ADAM23: variants seen among roughly 807,000 people sequenced by gnomAD.
ADAM23 encodes disintegrin and metalloproteinase domain-containing protein 23.
Under a neutral mutation model 120.1 loss-of-function variants are expected in ADAM23, and 33 were observed. That is an observed-to-expected ratio of 0.27 (90% CI 0.21 to 0.37). The LOEUF (loss-of-function observed/expected upper bound fraction) is 0.37, where lower values mean the gene tolerates loss of function less well. Among genes scored for constraint, ADAM23 ranks in the 10% least tolerant of loss-of-function variants. The pLI is 1.00. For synonymous variants in ADAM23, 367 were observed against 375.2 expected (o/e 0.98, Z 0.25); for missense variants, 862 against 1,058.2 (o/e 0.81, Z 2.57).
At chr2:206,543,770 C>CAA (rs3084931) in intron 6 of ADAM23, among the ~76,000 whole-genome samples, 1 of 151,828 alleles carries the variant, frequency 6.6e-6, no homozygotes, top group Non-Finnish European at 1.5e-5. Flanking sequence ...CACACACACA[C>CAA]GCACACGCAC....
intron 4 of ADAM23, among the ~76,000 whole-genome samples, chr2:206,539,399 C>A (rs983451200): frequency 3.3e-5 from 5 of 152,100 alleles, no homozygotes; most frequent in Non-Finnish European, 7.4e-5. Flanking sequence ...GGTCTGTGAC[C>A]CACTCCTAGG....
rs546427925 is a variant in ADAM23 at position 206,498,833 on chromosome 2, T to C, written c.509+17525T>C. On this transcript the variant is annotated intron_variant, in intron 3 of 25. Transcript: ENST00000264377. ...AAAAACAACCCCATCAAAAAGTGGG[T>C]GAAGGATATGAACAGACATTTCTCA... is the stretch of plus-strand genomic sequence containing the variant. 2.3e-3 allele frequency among the ~76,000 whole-genome samples: 355 copies of C among 151,948 alleles called. 1 individual carries two copies. The highest frequency in any genetic ancestry group is 5.4e-3 in the Admixed American group (83 of 15,234).
rs992260764 is a variant in ADAM23, at chr2:206,580,025, G to T, written c.1737+6830G>T. On this transcript the variant is annotated intron_variant, in intron 18 of 25. Coordinates refer to ENST00000264377, the MANE Select transcript of ADAM23 (RefSeq NM_003812.4). ...TGATTTGATTCTCTGATTGATCGCT[G>T]TTGGTGTATAGAAGAGCTACTGATT... Among the ~76,000 whole-genome samples, 3 of 151,914 alleles carry T rather than the reference G, an allele frequency of 2.0e-5. No individual in the cohort carries two copies. The South Asian group carries it at 6.2e-4, about 31-fold the overall frequency.
chr2:206,580,130 G>T (rs555895270), intron 18 of ADAM23, among the ~76,000 whole-genome samples: 1 of 151,694 alleles, frequency 6.6e-6, no homozygotes, highest in Non-Finnish European at 1.5e-5. Flanking sequence ...AGTCCTTAGG[G>T]TTTTCAAGGT....
intron 23 of ADAM23, 140 bp downstream of exon 23, chr2:206,595,045 G>T: frequency 9.4e-7 from 1 of 1,064,144 alleles, no homozygotes; most frequent in East Asian, 2.5e-5. Context: ...GCTGGGCGTG[G>T]TGGTGGGCAC....
Position 206,445,420 on chromosome 2 carries a change from G to A in ADAM23, c.328G>A (p.Glu110Lys), listed in dbSNP as rs1244177983. 1 of 1,614,064 alleles carries A rather than the reference G, an allele frequency of 6.2e-7. No individual in the cohort carries two copies. The highest frequency in any genetic ancestry group is 8.5e-7 in the Non-Finnish European group (1 of 1,179,986). ...NISYSNAMQK[E>K]ITLPSRLIYY... The stretch of plus-strand genomic sequence containing the variant: ...CAGTTACAGCAATGCAATGCAGAAA[G>A]AAATCACACTGCCTTCAAGACTCAT... The change falls in exon 2 of 26, where the codon GAA becomes AAA. Residue 110 changes from glutamate (E) to lysine (K), a missense_variant. Glu to Lys is a moderately conservative substitution (Grantham distance 56, BLOSUM62 1). Transcript: ENST00000264377.
intron 21 of ADAM23, among the ~76,000 whole-genome samples, chr2:206,592,252 C>T (rs1055865561): frequency 6.6e-6 from 1 of 152,132 alleles, no homozygotes; most frequent in African/African-American, 2.4e-5. Flanking sequence ...CAAAATCCTC[C>T]CAGCCACTCC....
chr2:206,540,962 ATAT>A (rs904239044), intron 4 of ADAM23, among the ~76,000 whole-genome samples: 22 of 147,538 alleles, frequency 1.5e-4, no homozygotes, highest in Non-Finnish European at 3.1e-4. Flanking sequence ...TTATTTATAA[ATAT>A]TATTTTTATA....
rs367601639 is a variant in ADAM23 at position 206,449,286 on chromosome 2, C to T, written c.432+3762C>T. 8.6e-5 allele frequency among the ~76,000 whole-genome samples: 13 copies of T among 152,002 alleles called. No individual in the cohort carries two copies. The East Asian group carries it at 9.7e-4, about 11-fold the overall frequency. ...TTTCACTTGTGGAGACTTTTATGGG[C>T]GTAAATGGAATTGTATGATTACTAA... On this transcript the variant is annotated intron_variant, in intron 2 of 25. Coordinates refer to ENST00000264377, the MANE Select transcript of ADAM23 (RefSeq NM_003812.4).
chr2:206,586,058 AGCAAAG>A (rs1202150331), intron 18 of ADAM23, among the ~76,000 whole-genome samples: 1 of 152,200 alleles, frequency 6.6e-6, no homozygotes, highest in Non-Finnish European at 1.5e-5. Flanking sequence ...ACAACGGGAA[AGCAAAG>A]GCAAAGGCTG....
At chr2:206,612,616 T>C (rs1484398262) in intron 25 of ADAM23, among the ~76,000 whole-genome samples, 1 of 152,176 alleles carries the variant, frequency 6.6e-6, no homozygotes, top group Non-Finnish European at 1.5e-5. Context: ...CACATTTCTT[T>C]AGGTGTACTA....
intron 18 of ADAM23, among the ~76,000 whole-genome samples, chr2:206,576,324 C>G (rs1191343842): frequency 2.6e-5 from 4 of 151,950 alleles, no homozygotes; most frequent in Non-Finnish European, 1.5e-5. Flanking sequence ...TCATTTCAAT[C>G]TTTAACTCTT....
In ADAM23 at chr2:206,571,712, A is replaced by T; in HGVS notation, c.1567-15A>T. 1 of 1,608,252 alleles carries T rather than the reference A, an allele frequency of 6.2e-7. No homozygotes were observed. The highest frequency in any genetic ancestry group is 8.5e-7 in the Non-Finnish European group (1 of 1,174,718). On this transcript the variant is annotated splice_polypyrimidine_tract_variant and intron_variant, in intron 16 of 25. Coordinates refer to ENST00000264377, the MANE Select transcript of ADAM23 (RefSeq NM_003812.4). ...GTAAGGCTCTTCGCTTACTCACGTG[A>T]AGTGTTTTCTCTAGGAATGCTATGG...
chr2:206,521,976 A>G (rs1696852376), intron 3 of ADAM23, among the ~76,000 whole-genome samples: 1 of 152,094 alleles, frequency 6.6e-6, no homozygotes, highest in African/African-American at 2.4e-5. Context: ...ATTCACAGGT[A>G]TTTTATTGCT....
chr2:206,458,984 A>C (rs568291946), intron 2 of ADAM23, among the ~76,000 whole-genome samples: 1 of 152,364 alleles, frequency 6.6e-6, no homozygotes, highest in East Asian at 1.9e-4. Flanking sequence ...ACAATTGAAT[A>C]TGTTATGACA....
rs1182310577 is a variant in ADAM23 at position 206,443,560 on chromosome 2, G to C, written c.-307G>C. 1.5e-5 allele frequency: 2 copies of C among 133,482 alleles called. No individual in the cohort carries two copies. Among genetic ancestry groups the C allele is most frequent in the African/African-American group, 5.1e-5 (2 of 38,858 alleles). The allele number at this position is 133,482 out of a possible 1,614,324, so 8.3% of individuals were successfully genotyped here. ...CTCAGGCCCGGCGGCAGCCCCCGCAGTCGCTGAAGCGGCCGCGCCCGCCGG... is the reference window on the plus strand; with the variant it reads ...CTCAGGCCCGGCGGCAGCCCCCGCACTCGCTGAAGCGGCCGCGCCCGCCGG... On this transcript the variant is annotated 5_prime_UTR_variant, in exon 1 of 26. Coordinates refer to ENST00000264377, the MANE Select transcript of ADAM23 (RefSeq NM_003812.4).
intron 13 of ADAM23, among the ~76,000 whole-genome samples, chr2:206,563,423 A>G (rs916197168): frequency 6.6e-6 from 1 of 152,218 alleles, no homozygotes; most frequent in African/African-American, 2.4e-5. Flanking sequence ...AGTCATCACA[A>G]GTGTCTGGTG....
intron 25 of ADAM23, among the ~76,000 whole-genome samples, chr2:206,611,011 TAATTATA>T (rs1217989869): frequency 6.6e-6 from 1 of 152,222 alleles, no homozygotes; most frequent in Non-Finnish European, 1.5e-5. Flanking sequence ...ATAATTGCCT[TAATTATA>T]AACTTTATAT....
intron 2 of ADAM23, among the ~76,000 whole-genome samples, chr2:206,455,567 C>T (rs993421743): frequency 2.6e-5 from 4 of 152,188 alleles, no homozygotes; most frequent in Admixed American, 6.5e-5. Context: ...ATTTTCCAAA[C>T]GTTTATGCTC....
Sources: allele counts gnomAD v4.1 joint callset (sites outside exome capture counted in the v4.1 genomes callset), GRCh38; gene constraint gnomAD v4.1.1; transcripts MANE v1.5; gene names NCBI Gene and HGNC (gene_info 2026-07-23, HGNC 2026-07-21).